NELL1: variants seen among roughly 807,000 people sequenced by gnomAD.
The protein encoded by NELL1 is protein kinase C-binding protein NELL1.
NELL1 carries 76 observed loss-of-function variants against 107.4 expected under a neutral mutation model. That is an observed-to-expected ratio of 0.71 (90% CI 0.59 to 0.86). The LOEUF (loss-of-function observed/expected upper bound fraction) is 0.86, where lower values mean the gene tolerates loss of function less well. Ranked by LOEUF, NELL1 falls within the 40% of genes least tolerant of loss-of-function variation. The probability of loss-of-function intolerance (pLI) is 0.00; values close to 1 mark genes in which losing one functional copy is unlikely to be tolerated. For missense variants in NELL1, 1,024 were observed against 1,005.5 expected, an observed-to-expected ratio of 1.02 and a Z score of -0.25; for synonymous variants, 353 against 341.2, an observed-to-expected ratio of 1.03 and a Z score of -0.38.
intron 4 of NELL1, among the ~76,000 whole-genome samples, chr11:20,855,037 C>G (rs1848857446): frequency 6.6e-6 from 1 of 152,166 alleles, no homozygotes; most frequent in African/African-American, 2.4e-5. Context: ...TGACTTAGCC[C>G]CCACATTTCT....
intron 14 of NELL1, among the ~76,000 whole-genome samples, chr11:21,325,325 A>AT (rs1850106593): frequency 6.6e-6 from 1 of 151,930 alleles, no homozygotes; most frequent in African/African-American, 2.4e-5. Flanking sequence ...GCTTCAGAGG[A>AT]TTTTTTACCT....
At chr11:20,788,336 C>T (rs1023761822) in intron 3 of NELL1, among the ~76,000 whole-genome samples, 7 of 152,130 alleles carry the variant, frequency 4.6e-5, no homozygotes, top group African/African-American at 1.7e-4. Context: ...TTGAGGGTTT[C>T]GATTTTTCCA....
chr11:21,372,299 A>G (rs1248148845), intron 15 of NELL1, among the ~76,000 whole-genome samples: 1 of 151,992 alleles, frequency 6.6e-6, no homozygotes, highest in Non-Finnish European at 1.5e-5. Context: ...ACAAAAACTA[A>G]AAGATTCTTA....
At chr11:20,927,546 A>G (rs1302106602) in intron 8 of NELL1, 104 bp downstream of exon 8, 6 of 1,176,804 alleles carry the variant, frequency 5.1e-6, no homozygotes, top group Non-Finnish European at 5.9e-6. Flanking sequence ...AACTCTGAGA[A>G]TTGTTAGGTT....
At chr11:21,289,351 C>T (rs1020178854) in intron 14 of NELL1, among the ~76,000 whole-genome samples, 3 of 152,182 alleles carry the variant, frequency 2.0e-5, no homozygotes, top group African/African-American at 7.2e-5. Flanking sequence ...GTGGGTGCAG[C>T]CCACGGAGGG....
intron 12 of NELL1, among the ~76,000 whole-genome samples, chr11:20,975,151 G>C (rs1564994755): frequency 6.6e-6 from 1 of 151,722 alleles, no homozygotes; most frequent in African/African-American, 2.4e-5. Context: ...TGGGACTATA[G>C]GTGCCCGCCA....
chr11:21,458,895 CCATCAT>C (rs1409226153), intron 15 of NELL1, among the ~76,000 whole-genome samples: 1 of 151,420 alleles, frequency 6.6e-6, no homozygotes, highest in African/African-American at 2.4e-5. Context: ...ATCACCATCA[CCATCAT>C]CATTTTCAGG....
intron 3 of NELL1, among the ~76,000 whole-genome samples, chr11:20,797,565 C>CAA (rs35016707): frequency 0.21 from 14,536 of 68,852 alleles, 2,303 homozygotes; most frequent in Non-Finnish European, 0.27. Context: ...GACTCCATCT[C>CAA]AAAAAAAAAA....
At chr11:20,822,218 C>T (rs565290311) in intron 3 of NELL1, among the ~76,000 whole-genome samples, 4 of 152,240 alleles carry the variant, frequency 2.6e-5, no homozygotes, top group African/African-American at 4.8e-5. Flanking sequence ...CCAGGAGACA[C>T]GCAGAAGTTG....
intron 2 of NELL1, among the ~76,000 whole-genome samples, chr11:20,735,777 C>T (rs1267252121): frequency 2.0e-5 from 3 of 152,280 alleles, no homozygotes; most frequent in Admixed American, 6.5e-5. Context: ...GGTACAGTGA[C>T]AAAGAGCAGT....
intron 1 of NELL1, among the ~76,000 whole-genome samples, chr11:20,674,898 C>T (rs954437902): frequency 3.9e-5 from 6 of 152,280 alleles, no homozygotes; most frequent in East Asian, 1.9e-4. Flanking sequence ...GTCCCTGCAT[C>T]GGTCAATATT....
chr11:20,836,520 A>G (rs1392440341), intron 3 of NELL1, among the ~76,000 whole-genome samples: 1 of 152,188 alleles, frequency 6.6e-6, no homozygotes, highest in East Asian at 1.9e-4. Flanking sequence ...AAGTCCTTCA[A>G]TAAGTAAATG....
chr11:20,746,937 C>T (rs552616257), intron 2 of NELL1, among the ~76,000 whole-genome samples: 1 of 152,284 alleles, frequency 6.6e-6, no homozygotes, highest in Admixed American at 6.5e-5. Flanking sequence ...CTATTCCAGG[C>T]TGATAAAACC....
intron 14 of NELL1, among the ~76,000 whole-genome samples, chr11:21,317,764 G>T (rs1849911634): frequency 6.6e-6 from 1 of 152,080 alleles, no homozygotes; most frequent in South Asian, 2.1e-4. Flanking sequence ...TTTGTGATTT[G>T]TGTGACTGTA....
At chr11:21,034,426 CA>C (rs1203843353) in intron 12 of NELL1, among the ~76,000 whole-genome samples, 4 of 152,102 alleles carry the variant, frequency 2.6e-5, no homozygotes, top group Non-Finnish European at 5.9e-5. Flanking sequence ...ACTCTCTACC[CA>C]AAAATAACAG....
chr11:20,744,545 G>A (rs10833386), intron 2 of NELL1, among the ~76,000 whole-genome samples: 53 of 152,182 alleles, frequency 3.5e-4, no homozygotes, highest in East Asian at 1.5e-3. Flanking sequence ...TTAAGTTGTT[G>A]GGCTTGGCTC....
At chr11:21,506,776 A>C (rs992048587) in intron 15 of NELL1, among the ~76,000 whole-genome samples, 3 of 152,194 alleles carry the variant, frequency 2.0e-5, no homozygotes, top group African/African-American at 7.2e-5. Context: ...ATTGCCTAGC[A>C]TGGAGAAGAT....
At chr11:21,298,427 C>T (rs940404058) in intron 14 of NELL1, among the ~76,000 whole-genome samples, 1 of 151,886 alleles carries the variant, frequency 6.6e-6, no homozygotes, top group Non-Finnish European at 1.5e-5. Context: ...CTCATCTTCC[C>T]TTCTTTGGTG....
At chr11:20,704,299 C>G (rs143524396) in intron 2 of NELL1, among the ~76,000 whole-genome samples, 1,805 of 152,214 alleles carry the variant, frequency 0.012, 12 homozygotes, top group Non-Finnish European at 0.02. Context: ...GGTTTAAAGT[C>G]TGTTTTATCA....
Sources: gnomAD v4.1 joint callset for allele counts (sites outside exome capture counted in the v4.1 genomes callset) on GRCh38, gnomAD v4.1.1 for gene constraint, MANE v1.5 for transcripts, NCBI Gene and HGNC (gene_info 2026-07-23, HGNC 2026-07-21) for gene names.